The following TSHZ3 variants were observed in gnomAD, a reference collection of about 807,000 sequenced individuals.
TSHZ3 encodes teashirt homolog 3.
A neutral mutation model predicts 64.5 loss-of-function variants in TSHZ3; 10 were observed. The ratio of observed to expected loss-of-function variants is 0.16; its 90% CI spans 0.10 to 0.26. TSHZ3 has a LOEUF of 0.26. TSHZ3 is among the 10% of genes least tolerant of loss of function. The probability of loss-of-function intolerance (pLI) is 1.00; values close to 1 mark genes in which losing one functional copy is unlikely to be tolerated. For synonymous variants in TSHZ3, 608 were observed against 593.1 expected (o/e 1.03, Z -0.36); for missense variants, 1,242 against 1,421.7 (o/e 0.87, Z 2.03).
At position 31,275,295 on chromosome 19, in the gene TSHZ3, G is replaced by A. The variant is rs1976207900; in HGVS notation, c.*1252C>T. 1 of 152,548 alleles carries A rather than the reference G, an allele frequency of 6.6e-6. No homozygotes were observed. The highest frequency in any genetic ancestry group is 2.1e-4 in the South Asian group (1 of 4,820). 9.4% of individuals were successfully genotyped at this position (152,548 alleles called of 1,614,324 possible). On this transcript the variant is annotated 3_prime_UTR_variant, in exon 2 of 2. Transcript: ENST00000240587. ...GAAATAGAAAGGCATCCTACAATAT[G>A]GAATAGCAACCAAGAGGGCTTATAA... is the stretch of plus-strand genomic sequence containing the variant.
At position 31,156,482 on chromosome 19, in the gene TSHZ3, C is replaced by T. The variant is rs73924584; in HGVS notation, n.810-65G>A. On this transcript the variant is annotated intron_variant and non_coding_transcript_variant, in intron 5 of 6. Transcript: ENST00000651361. ...CCCACTGGCACCAGTTTTTGTCGGT[C>T]GGGAGCAGGAGCAGATATCAGCCAC... 8.7e-3 allele frequency among the ~76,000 whole-genome samples: 1,317 copies of T among 152,166 alleles called. 19 individuals carry two copies. The highest frequency in any genetic ancestry group is 0.03 in the African/African-American group (1,226 of 41,520).
In TSHZ3 at chr19:31,329,374, G is replaced by A. The variant is rs538958101; in HGVS notation, c.40+19806C>T. Among the ~76,000 whole-genome samples the A allele has an allele frequency of 9.5e-4, 145 of 152,320 alleles. 1 individual carries two copies. The highest frequency in any genetic ancestry group is 2.1e-4 in the South Asian group (1 of 4,830). The stretch of plus-strand genomic sequence containing the variant: ...GGGCTAAAGTTTACATTTATATCAC[G>A]TTACCTCCATTACAATCATCCAGGC... On this transcript the variant is annotated intron_variant, in intron 1 of 1. Transcript: ENST00000240587.
intron 4 of TSHZ3, among the ~76,000 whole-genome samples, chr19:31,216,469 T>C (rs914703053): frequency 2.0e-5 from 3 of 151,686 alleles, no homozygotes; most frequent in African/African-American, 7.3e-5. Flanking sequence ...TTTTTTTTTT[T>C]TGAGACAGAG....
rs1358962197 is a variant in TSHZ3, at chr19:31,276,497, CCA to C, written c.*48_*49del. The stretch of plus-strand genomic sequence containing the variant: ...GTCAGAGGGGGCCTGAAGGTGCCTT[CCA>C]CAGTTTCCCTCAAAGCAAACTGCAG... On this transcript the variant is annotated 3_prime_UTR_variant, in exon 2 of 2. Coordinates refer to ENST00000240587, the MANE Select transcript of TSHZ3 (RefSeq NM_020856.4). 6 of 1,504,086 alleles carry C rather than the reference CCA, an allele frequency of 4.0e-6. No individual in the cohort carries two copies. The highest frequency in any genetic ancestry group is 5.3e-6 in the Non-Finnish European group (6 of 1,121,972). The allele number at this position is 1,504,086 out of a possible 1,614,324, so 93.2% of individuals were successfully genotyped here.
intron 1 of TSHZ3, among the ~76,000 whole-genome samples, chr19:31,336,264 G>A (rs929969137): frequency 2.0e-5 from 3 of 152,172 alleles, no homozygotes; most frequent in African/African-American, 7.2e-5. Context: ...AAGCAAGAAC[G>A]AACTTCCTGA....
chr19:31,321,638 C>T (rs951772785), intron 1 of TSHZ3, among the ~76,000 whole-genome samples: 5 of 152,124 alleles, frequency 3.3e-5, no homozygotes, highest in Non-Finnish European at 5.9e-5. Context: ...TCCTCGTTTC[C>T]CCACAACAGC....
At chr19:31,262,839 A>G (rs999109122) in intron 1 of TSHZ3, among the ~76,000 whole-genome samples, 1 of 152,224 alleles carries the variant, frequency 6.6e-6, no homozygotes, top group Non-Finnish European at 1.5e-5. Context: ...CTGAAAAGGA[A>G]ATTTAAGCCA....
intron 1 of TSHZ3, among the ~76,000 whole-genome samples, chr19:31,298,459 TTTTG>T (rs143760225): frequency 0.04 from 6,019 of 152,194 alleles, 205 homozygotes; most frequent in African/African-American, 0.1. Context: ...TGCTTGTTCT[TTTTG>T]TTTGTTTGTT....
Position 31,210,577 on chromosome 19 carries a change from A to G in TSHZ3, n.687-5499T>C, listed in dbSNP as rs542361731. ...ATGAGTGTCTAGGGGTTAACACTTC[A>G]AGAAGAAACAGGGGAGATTTTGCTG... On this transcript the variant is annotated intron_variant and non_coding_transcript_variant, in intron 4 of 6. Transcript: ENST00000651361. 4.6e-5 allele frequency among the ~76,000 whole-genome samples: 7 copies of G among 152,272 alleles called. No homozygotes were observed. The South Asian group carries it at 6.2e-4, about 14-fold the overall frequency.
intron 5 of TSHZ3, among the ~76,000 whole-genome samples, chr19:31,203,870 GT>G (rs1226232649): frequency 1.3e-5 from 2 of 150,486 alleles, no homozygotes; most frequent in East Asian, 4.0e-4. Flanking sequence ...GTATTAGCCT[GT>G]TTTCACACTG....
At chr19:31,323,863 A>AAC (rs58051976) in intron 1 of TSHZ3, among the ~76,000 whole-genome samples, 7,510 of 122,120 alleles carry the variant, frequency 0.061, 344 homozygotes, top group East Asian at 0.15. Flanking sequence ...CCTGGCCTCC[A>AAC]ACACACACAC....
At chr19:31,223,545 G>A (rs1178787219) in intron 4 of TSHZ3, among the ~76,000 whole-genome samples, 1 of 152,082 alleles carries the variant, frequency 6.6e-6, no homozygotes, top group East Asian at 1.9e-4. Context: ...TTCAAGCCAA[G>A]TAGAAGCCTT....
chr19:31,269,690 T>G (rs1165479830), intron 1 of TSHZ3, among the ~76,000 whole-genome samples: 1 of 152,144 alleles, frequency 6.6e-6, no homozygotes, highest in Non-Finnish European at 1.5e-5. Context: ...ATTCCTGCTG[T>G]GGAAGAAAAA....
chr19:31,260,030 C>T (rs1197371472), intron 1 of TSHZ3, among the ~76,000 whole-genome samples: 1 of 152,192 alleles, frequency 6.6e-6, no homozygotes, highest in African/African-American at 2.4e-5. Flanking sequence ...ATCTTTCATA[C>T]TTCCTTCTGC....
chr19:31,235,105 T>C (rs1975588170), intron 3 of TSHZ3, among the ~76,000 whole-genome samples: 1 of 152,212 alleles, frequency 6.6e-6, no homozygotes, highest in Non-Finnish European at 1.5e-5. Flanking sequence ...CAATGTGATG[T>C]TTTGAGCTAT....
chr19:31,317,495 C>T (rs1330150668), intron 1 of TSHZ3, among the ~76,000 whole-genome samples: 1 of 152,170 alleles, frequency 6.6e-6, no homozygotes, highest in African/African-American at 2.4e-5. Context: ...ATGTCCTCAC[C>T]CCAAATTTAC....
intron 1 of TSHZ3, among the ~76,000 whole-genome samples, chr19:31,299,132 T>A (rs989787687): frequency 6.6e-6 from 1 of 151,900 alleles, no homozygotes; most frequent in African/African-American, 2.4e-5. Context: ...AGGGCGGAGG[T>A]TGCAGTAAGC....
intron 1 of TSHZ3, among the ~76,000 whole-genome samples, chr19:31,342,279 C>T (rs910084082): frequency 3.9e-5 from 6 of 152,162 alleles, no homozygotes; most frequent in Admixed American, 6.5e-5. Context: ...GCCACACCAA[C>T]GGCAGCTTTC....
At chr19:31,350,226 C>T (rs1345304227), upstream of TSHZ3, among the ~76,000 whole-genome samples, 2 of 150,354 alleles carry the variant, frequency 1.3e-5, no homozygotes, top group Admixed American at 6.6e-5. Flanking sequence ...GGGCGCGGGC[C>T]GGGGCGGGTG....
Sources: allele counts gnomAD v4.1 joint callset (sites outside exome capture counted in the v4.1 genomes callset), GRCh38; gene constraint gnomAD v4.1.1; transcripts MANE v1.5; gene names NCBI Gene and HGNC (gene_info 2026-07-23, HGNC 2026-07-21).